The following SLC25A12 variants were observed in gnomAD, a reference collection of about 807,000 sequenced individuals.
SLC25A12 encodes the protein solute carrier family 25 member 12, also known as electrogenic aspartate/glutamate antiporter SLC25A12, mitochondrial.
Under a neutral mutation model 83.3 loss-of-function variants are expected in SLC25A12, and 32 were observed. The observed-to-expected ratio is 0.38, with a 90% CI of 0.29 to 0.52. The LOEUF is 0.52. SLC25A12 is among the 20% of genes least tolerant of loss of function. SLC25A12 has a pLI of 0.84. For synonymous variants in SLC25A12, 267 were observed against 291.1 expected, an observed-to-expected ratio of 0.92 and a Z score of 0.84; for missense variants, 611 against 835.6, an observed-to-expected ratio of 0.73 and a Z score of 3.31.
intron 7 of SLC25A12, 83 bp from the exon 8 acceptor site, chr2:171,834,139 C>G: frequency 1.3e-6 from 1 of 798,312 alleles, no homozygotes; most frequent in Non-Finnish European, 2.2e-6. Context: ...TATAATATAA[C>G]CTGAAAGCTA....
intron 4 of SLC25A12, chr2:171,852,651 C>T (rs1455121728): frequency 1.1e-5 from 5 of 454,650 alleles, no homozygotes; most frequent in Admixed American, 2.4e-5. Flanking sequence ...TAAGTGGTTA[C>T]AAACATGAAA....
At chr2:171,849,168 C>T (rs189716620) in intron 4 of SLC25A12, among the ~76,000 whole-genome samples, 12 of 152,144 alleles carry the variant, frequency 7.9e-5, no homozygotes, top group East Asian at 5.8e-4. Flanking sequence ...CCACCCTGGG[C>T]GACACAGCAA....
intron 4 of SLC25A12, among the ~76,000 whole-genome samples, chr2:171,847,569 T>C (rs1262723001): frequency 6.6e-6 from 1 of 152,206 alleles, no homozygotes; most frequent in African/African-American, 2.4e-5. Flanking sequence ...ATCTTTCCAG[T>C]GGCAAACAAG....
chr2:171,823,016 T>C (rs971256221), intron 9 of SLC25A12, among the ~76,000 whole-genome samples: 1 of 152,190 alleles, frequency 6.6e-6, no homozygotes, highest in Non-Finnish European at 1.5e-5. Flanking sequence ...ATGGGAATAG[T>C]TAAGGTTAGC....
rs763575385 is a variant in SLC25A12 at position 171,809,573 on chromosome 2, T to C, written c.1305+33A>G. On this transcript the variant is annotated intron_variant, in intron 13 of 17. Transcript: ENST00000422440. ...GTGCAAAAAGGTCAACGGAATGTATTTGTCACAAGAAGCGCCTAACAGTAA... is the reference window on the plus strand; with the variant it reads ...GTGCAAAAAGGTCAACGGAATGTATCTGTCACAAGAAGCGCCTAACAGTAA... The C allele has an allele frequency of 2.0e-6, 3 of 1,524,770 alleles. No homozygotes were observed. The South Asian group carries it at 3.4e-5, about 17-fold the overall frequency. The allele number at this position is 1,524,770 out of a possible 1,614,324, so 94.5% of individuals were successfully genotyped here.
chr2:171,808,585 AC>A (rs1201368425), intron 13 of SLC25A12, among the ~76,000 whole-genome samples: 3 of 152,184 alleles, frequency 2.0e-5, no homozygotes, highest in African/African-American at 7.2e-5. Flanking sequence ...TCTATCCACT[AC>A]TATATTTTCT....
At chr2:171,799,559 G>A (rs993786925) in intron 13 of SLC25A12, among the ~76,000 whole-genome samples, 3 of 152,114 alleles carry the variant, frequency 2.0e-5, no homozygotes, top group African/African-American at 4.8e-5. Flanking sequence ...TTGCTTTACC[G>A]ATATGAAGGG....
At chr2:171,866,979 C>T in intron 3 of SLC25A12, among the ~76,000 whole-genome samples, 1 of 145,634 alleles carries the variant, frequency 6.9e-6, no homozygotes, top group Non-Finnish European at 1.5e-5. Context: ...CAGAGACGCT[C>T]CTCACCTCCC....
chr2:171,791,423 T>C, intron 15 of SLC25A12, 28 bp downstream of exon 15: 1 of 1,597,032 alleles, frequency 6.3e-7, no homozygotes. Context: ...GGGAGAATTC[T>C]TTCAGTTAAA....
intron 15 of SLC25A12, chr2:171,788,159 ATT>A: frequency 1.8e-6 from 1 of 552,132 alleles, no homozygotes; most frequent in Non-Finnish European, 3.2e-6. Flanking sequence ...TTTTTCCTGA[ATT>A]AAAAAAAAAA....
At chr2:171,839,535 G>A (rs1449251197) in intron 5 of SLC25A12, among the ~76,000 whole-genome samples, 1 of 152,144 alleles carries the variant, frequency 6.6e-6, no homozygotes, top group Non-Finnish European at 1.5e-5. Context: ...GAAACAGTGT[G>A]ACTGGATGAG....
chr2:171,857,885 GAGTGAGACCCA>G (rs565844254), intron 3 of SLC25A12, among the ~76,000 whole-genome samples: 175 of 152,140 alleles, frequency 1.2e-3, no homozygotes, highest in Middle Eastern at 3.4e-3. Flanking sequence ...CTGGGTAACA[GAGTGAGACCCA>G]AGTGAGACCC....
At chr2:171,829,445 GC>G (rs1386093891) in intron 8 of SLC25A12, among the ~76,000 whole-genome samples, 3 of 152,012 alleles carry the variant, frequency 2.0e-5, no homozygotes, top group Non-Finnish European at 4.4e-5. Context: ...AGGGGCAATG[GC>G]AACCACCCCC....
At chr2:171,868,303 GTTT>G (rs1386242880) in intron 3 of SLC25A12, among the ~76,000 whole-genome samples, 2 of 136,244 alleles carry the variant, frequency 1.5e-5, no homozygotes, top group Non-Finnish European at 3.1e-5. Flanking sequence ...AAGTTTGTGG[GTTT>G]TTTAATTTTT....
chr2:171,812,799 C>CTTTTT (rs5836353), intron 11 of SLC25A12, among the ~76,000 whole-genome samples: 1 of 143,150 alleles, frequency 7.0e-6, no homozygotes, highest in Non-Finnish European at 1.5e-5. Context: ...AAGGGTTTTC[C>CTTTTT]TTTTTTTTTT....
At chr2:171,797,532 T>C (rs1683623936) in intron 13 of SLC25A12, among the ~76,000 whole-genome samples, 1 of 152,204 alleles carries the variant, frequency 6.6e-6, no homozygotes, top group South Asian at 2.1e-4. Flanking sequence ...TCAAAACATA[T>C]GAATGTATTA....
intron 6 of SLC25A12, among the ~76,000 whole-genome samples, chr2:171,835,166 T>C (rs1028068423): frequency 1.3e-5 from 2 of 152,198 alleles, no homozygotes; most frequent in African/African-American, 4.8e-5. Flanking sequence ...CAATAGTTAT[T>C]TAAACAGGAT....
chr2:171,788,040 C>T, intron 15 of SLC25A12, 93 bp from the exon 16 acceptor site: 1 of 1,316,282 alleles, frequency 7.6e-7, no homozygotes, highest in Non-Finnish European at 1.1e-6. Context: ...CAACTTCAAC[C>T]ACTTGAGCGG....
chr2:171,885,482 C>T (rs1290818173), intron 2 of SLC25A12, among the ~76,000 whole-genome samples: 2 of 151,918 alleles, frequency 1.3e-5, no homozygotes, highest in African/African-American at 2.4e-5. Context: ...GAGTTCGAGA[C>T]CAGCCTGACC....
Sources: gnomAD v4.1 joint callset for allele counts (sites outside exome capture counted in the v4.1 genomes callset) on GRCh38, gnomAD v4.1.1 for gene constraint, MANE v1.5 for transcripts, NCBI Gene and HGNC (gene_info 2026-07-23, HGNC 2026-07-21) for gene names.